Variants in CCDC171 observed in about 807,000 individuals in gnomAD.
CCDC171 encodes coiled-coil domain-containing protein 171.
In CCDC171, 177 loss-of-function variants were observed where a neutral mutation model predicts 168.2. The ratio of observed to expected loss-of-function variants is 1.05; its 90% CI spans 0.93 to 1.19. The LOEUF (loss-of-function observed/expected upper bound fraction) is 1.19, where lower values mean the gene tolerates loss of function less well. Ranked by LOEUF, CCDC171 falls within the 50% of genes most tolerant of loss-of-function variation. The pLI is 0.00. For missense variants in CCDC171, 1,991 were observed against 1,539.0 expected (o/e 1.29, Z -4.91); for synonymous variants, 687 against 540.8 (o/e 1.27, Z -3.75).
chr9:15,696,710 TGTG>T (rs1379177978), intron 11 of CCDC171, among the ~76,000 whole-genome samples: 4 of 152,222 alleles, frequency 2.6e-5, no homozygotes, highest in Admixed American at 6.5e-5. Flanking sequence ...CTAAGAATAA[TGTG>T]GTCATGTCTC....
At position 15,665,321 on chromosome 9, in the gene CCDC171, G is replaced by A. The variant is rs376765725; in HGVS notation, c.916-842G>A. On this transcript the variant is annotated intron_variant, in intron 8 of 25. Coordinates refer to ENST00000380701, the MANE Select transcript of CCDC171 (RefSeq NM_173550.4). Reference sequence around the variant, plus strand: ...AAGTAAATCCCAGATATCAAATAACGATAACCATAAATATTTCAGTCAAAT... The same window carrying A: ...AAGTAAATCCCAGATATCAAATAACAATAACCATAAATATTTCAGTCAAAT... 4.5e-4 allele frequency among the ~76,000 whole-genome samples: 69 copies of A among 152,102 alleles called. No homozygotes were observed. In the South Asian group the frequency reaches 5.8e-3, roughly 13 times the overall value.
At chr9:15,916,645 A>G (rs977739096) in intron 24 of CCDC171, among the ~76,000 whole-genome samples, 3 of 152,076 alleles carry the variant, frequency 2.0e-5, no homozygotes, top group South Asian at 4.1e-4. Context: ...TAATATGTAC[A>G]TAACAAATTA....
chr9:15,569,273 C>T (rs919732806), intron 2 of CCDC171, among the ~76,000 whole-genome samples: 2 of 152,094 alleles, frequency 1.3e-5, no homozygotes, highest in African/African-American at 4.8e-5. Flanking sequence ...ATCATGGAGC[C>T]AGGGTTTCAG....
intron 24 of CCDC171, among the ~76,000 whole-genome samples, chr9:15,917,869 T>C (rs756952228): frequency 6.6e-6 from 1 of 151,748 alleles, no homozygotes; most frequent in Non-Finnish European, 1.5e-5. Context: ...TTCAGCCTTT[T>C]ATACATTTTA....
chr9:15,709,758 C>A (rs372083421), intron 11 of CCDC171, among the ~76,000 whole-genome samples: 7 of 152,040 alleles, frequency 4.6e-5, no homozygotes, highest in Non-Finnish European at 1.0e-4. Flanking sequence ...CCAAGAGAAA[C>A]CTCAGTAAAG....
chr9:15,776,275 C>T (rs1046383393), intron 18 of CCDC171: 8 of 152,162 alleles, frequency 5.3e-5, no homozygotes, highest in Non-Finnish European at 8.8e-5. Flanking sequence ...TATGTGCTGC[C>T]GAAGCGAGCA....
In CCDC171 at chr9:16,017,197, T is replaced by A. The variant is rs1467676787; in HGVS notation, n.369-3392T>A. On this transcript the variant is annotated intron_variant and non_coding_transcript_variant, in intron 3 of 9. Coordinates refer to the CCDC171 transcript ENST00000486641. ...AGAAAAGTGAAATAAATAAAAATGC[T>A]GTCTATACCCTTTATCCAGAAAATA... Among the ~76,000 whole-genome samples, 3 of 152,218 alleles carry A rather than the reference T, an allele frequency of 2.0e-5. 1 individual carries two copies. The highest frequency in any genetic ancestry group is 2.9e-5 in the Non-Finnish European group (2 of 68,022).
chr9:16,076,424 T>C, the CCDC171 span, among the ~76,000 whole-genome samples: 1 of 152,220 alleles, frequency 6.6e-6, no homozygotes, highest in Non-Finnish European at 1.5e-5. Flanking sequence ...TCGTTTTTGC[T>C]GTTCTTCCAG....
chr9:15,800,220 T>C (rs1412730814), intron 21 of CCDC171, among the ~76,000 whole-genome samples: 1 of 152,142 alleles, frequency 6.6e-6, no homozygotes, highest in East Asian at 1.9e-4. Context: ...TGTACTAATT[T>C]ACATTCCCAC....
At chr9:15,811,602 C>A (rs1563785661) in intron 21 of CCDC171, among the ~76,000 whole-genome samples, 2 of 152,216 alleles carry the variant, frequency 1.3e-5, no homozygotes, top group East Asian at 3.9e-4. Context: ...ACCTTACTAA[C>A]TTTAAGTAAG....
At chr9:15,940,269 G>A (rs1827565250) in intron 25 of CCDC171, among the ~76,000 whole-genome samples, 1 of 151,874 alleles carries the variant, frequency 6.6e-6, no homozygotes, top group Non-Finnish European at 1.5e-5. Context: ...ATATACTGAA[G>A]CATGGATTTC....
the CCDC171 span, among the ~76,000 whole-genome samples, chr9:16,091,575 G>A: frequency 6.6e-6 from 1 of 152,210 alleles, no homozygotes; most frequent in Admixed American, 6.5e-5. Context: ...CTCAGGTCGT[G>A]ATCAGTCAGA....
intron 3 of CCDC171, among the ~76,000 whole-genome samples, chr9:15,573,725 C>G (rs1230824139): frequency 6.6e-6 from 1 of 152,032 alleles, no homozygotes; most frequent in Non-Finnish European, 1.5e-5. Context: ...GCACATTTTA[C>G]TTGAGAGTAT....
At position 15,972,440 on chromosome 9, in the gene CCDC171, T is replaced by G. The variant is rs1831445735; in HGVS notation, c.*604T>G. The G allele has an allele frequency of 6.6e-6, 1 of 152,462 alleles. No individual in the cohort carries two copies. The highest frequency in any genetic ancestry group is 2.4e-5 in the African/African-American group (1 of 41,454). 9.4% of individuals were successfully genotyped at this position (152,462 alleles called of 1,614,324 possible). On this transcript the variant is annotated 3_prime_UTR_variant, in exon 26 of 26. Transcript: ENST00000380701. The stretch of plus-strand genomic sequence containing the variant: ...TCAGGTTGCTCCTTGTAAAGCTACA[T>G]GATACCACTTGCCCATTTGAACAAG...
At chr9:16,028,217 A>G (rs573509968) in intron 6 of CCDC171, among the ~76,000 whole-genome samples, 1 of 152,306 alleles carries the variant, frequency 6.6e-6, no homozygotes, top group South Asian at 2.1e-4. Flanking sequence ...CTGAGGTCCA[A>G]TCTGAAAGCC....
At chr9:15,575,678 A>G (rs1006113948) in intron 3 of CCDC171, among the ~76,000 whole-genome samples, 1 of 152,162 alleles carries the variant, frequency 6.6e-6, no homozygotes, top group Non-Finnish European at 1.5e-5. Context: ...GATATTAAGC[A>G]TTTCCTTCAG....
At chr9:15,579,670 GT>G (rs1446830616) in intron 4 of CCDC171, among the ~76,000 whole-genome samples, 3 of 152,210 alleles carry the variant, frequency 2.0e-5, no homozygotes, top group Non-Finnish European at 2.9e-5. Context: ...TACTATACTG[GT>G]TTTTAATAGT....
chr9:16,045,209 C>T (rs557320342), intron 1 of CCDC171, among the ~76,000 whole-genome samples: 16 of 152,102 alleles, frequency 1.1e-4, no homozygotes, highest in South Asian at 1.0e-3. Context: ...AGTGCAGTGG[C>T]GCAATGGGGA....
intron 4 of CCDC171, among the ~76,000 whole-genome samples, chr9:15,583,131 T>C (rs2041264309): frequency 6.6e-6 from 1 of 151,904 alleles, no homozygotes; most frequent in South Asian, 2.1e-4. Context: ...GAAAATGTGG[T>C]ATAGGCTGGG....
Sources: allele counts gnomAD v4.1 joint callset (sites outside exome capture counted in the v4.1 genomes callset), GRCh38; gene constraint gnomAD v4.1.1; transcripts MANE v1.5; gene names NCBI Gene and HGNC (gene_info 2026-07-23, HGNC 2026-07-21).